The following RPTOR variants were observed in gnomAD, a reference collection of about 807,000 sequenced individuals.
The protein encoded by RPTOR is regulatory-associated protein of mTOR.
RPTOR carries 21 observed loss-of-function variants against 169.9 expected under a neutral mutation model. The ratio of observed to expected loss-of-function variants is 0.12; its 90% confidence interval spans 0.09 to 0.18. The LOEUF (loss-of-function observed/expected upper bound fraction) is 0.18, where lower values mean the gene tolerates loss of function less well. RPTOR is among the 10% of genes least tolerant of loss of function. RPTOR has a pLI of 1.00. For synonymous variants in RPTOR, 732 were observed against 753.2 expected (o/e 0.97, Z 0.46); for missense variants, 1,133 against 1,855.9 (o/e 0.61, Z 7.16).
At chr17:80,918,495 C>T (rs1359537049) in intron 21 of RPTOR, among the ~76,000 whole-genome samples, 2 of 98,430 alleles carry the variant, frequency 2.0e-5, no homozygotes, top group East Asian at 2.4e-4. Flanking sequence ...AGCACCCTCG[C>T]GGGGGTCATA....
chr17:80,779,481 C>A (rs539205307), intron 6 of RPTOR, among the ~76,000 whole-genome samples: 1 of 152,334 alleles, frequency 6.6e-6, no homozygotes, highest in South Asian at 2.1e-4. Context: ...GCCGTGCCTA[C>A]GTGCACTGAC....
chr17:80,592,992 G>A (rs7214465), intron 1 of RPTOR, among the ~76,000 whole-genome samples: 12,861 of 152,236 alleles, frequency 0.084, 613 homozygotes, highest in Middle Eastern at 0.12. Flanking sequence ...CACACTACTT[G>A]TGTCAAATCT....
At chr17:80,809,810 G>A (rs2067255168) in intron 7 of RPTOR, among the ~76,000 whole-genome samples, 1 of 152,052 alleles carries the variant, frequency 6.6e-6, no homozygotes, top group Non-Finnish European at 1.5e-5. Context: ...AGGTCGAGGT[G>A]GGCAGATCAC....
intron 3 of RPTOR, among the ~76,000 whole-genome samples, chr17:80,648,767 C>A (rs1457336150): frequency 6.6e-6 from 1 of 152,088 alleles, no homozygotes; most frequent in Non-Finnish European, 1.5e-5. Flanking sequence ...GTGTCCCCAC[C>A]CAGATCTCAT....
chr17:80,605,280 G>A (rs2065220432), intron 1 of RPTOR, among the ~76,000 whole-genome samples: 1 of 152,222 alleles, frequency 6.6e-6, no homozygotes, highest in African/African-American at 2.4e-5. Flanking sequence ...GACAGCAGTG[G>A]ATGTGCTCTC....
chr17:80,797,848 C>T (rs576604014), intron 7 of RPTOR, among the ~76,000 whole-genome samples: 4 of 152,298 alleles, frequency 2.6e-5, no homozygotes, highest in South Asian at 4.1e-4. Flanking sequence ...CTTTTTCCCA[C>T]GGGGGTCCCA....
chr17:80,633,959 G>A lies in RPTOR; in HGVS notation c.265+8166G>A, dbSNP rs1274579844. 3.3e-5 allele frequency among the ~76,000 whole-genome samples: 5 copies of A among 152,188 alleles called. No homozygotes were observed. Among genetic ancestry groups the A allele is most frequent in the Non-Finnish European group, 7.3e-5 (5 of 68,032 alleles). The stretch of plus-strand genomic sequence containing the variant: ...GCCTCATTCCTCTTAGTGGAATGTG[G>A]TGTTAGAAACTGAGATCTGGGTGCC... On this transcript the variant is annotated intron_variant, in intron 2 of 33. Coordinates refer to ENST00000306801, the MANE Select transcript of RPTOR (RefSeq NM_020761.3). The surrounding 1 kb of genome is among the most constrained non-coding windows in gnomAD (Gnocchi z 4.1).
chr17:80,791,598 C>A, intron 7 of RPTOR, 89 bp downstream of exon 7: 1 of 1,121,530 alleles, frequency 8.9e-7, no homozygotes, highest in Non-Finnish European at 1.3e-6. Flanking sequence ...GAAGTACTTT[C>A]TATCAACATG....
intron 7 of RPTOR, among the ~76,000 whole-genome samples, chr17:80,806,285 A>G (rs1432355129): frequency 1.3e-5 from 2 of 152,226 alleles, no homozygotes; most frequent in African/African-American, 4.8e-5. Context: ...TCAAAGTTCA[A>G]GTCATGGTTG....
intron 21 of RPTOR, 103 bp from the exon 22 acceptor site, chr17:80,922,621 T>G: frequency 1.0e-6 from 1 of 959,760 alleles, no homozygotes; most frequent in Non-Finnish European, 1.6e-6. Context: ...CAAAGGCCTT[T>G]TCTGTGATTC....
At chr17:80,856,566 C>T (rs2067854310) in intron 12 of RPTOR, among the ~76,000 whole-genome samples, 1 of 152,200 alleles carries the variant, frequency 6.6e-6, no homozygotes, top group Non-Finnish European at 1.5e-5. Context: ...GCACTCACCA[C>T]TGGGCCATTT....
At chr17:80,643,256 AT>A (rs34269060) in intron 2 of RPTOR, among the ~76,000 whole-genome samples, 16,658 of 152,042 alleles carry the variant, frequency 0.11, 1,031 homozygotes, top group African/African-American at 0.15. Context: ...TGTGAAACGG[AT>A]TTTTTTTGTG....
At chr17:80,611,142 A>G (rs2065267541) in intron 1 of RPTOR, among the ~76,000 whole-genome samples, 2 of 152,202 alleles carry the variant, frequency 1.3e-5, no homozygotes, top group South Asian at 4.1e-4. Flanking sequence ...GAATGGTACC[A>G]TGAACACCTC....
At chr17:80,751,899 C>G (rs1341932568) in intron 5 of RPTOR, among the ~76,000 whole-genome samples, 1 of 152,222 alleles carries the variant, frequency 6.6e-6, no homozygotes, top group African/African-American at 2.4e-5. Flanking sequence ...TCATTCTGTA[C>G]CTTGTTGTTC....
chr17:80,966,205 T>A lies in RPTOR; in HGVS notation c.*1875T>A, dbSNP rs1402867109. 4.6e-6 allele frequency: 1 copy of A among 216,298 alleles called. No individual in the cohort carries two copies. The highest frequency in any genetic ancestry group is 9.1e-6 in the Non-Finnish European group (1 of 109,356). The allele number at this position is 216,298 out of a possible 1,614,324, so 13.4% of individuals were successfully genotyped here. On this transcript the variant is annotated 3_prime_UTR_variant, in exon 34 of 34. Coordinates refer to ENST00000306801, the MANE Select transcript of RPTOR (RefSeq NM_020761.3). Reference sequence around the variant, plus strand: ...GTGGGCTGTCTTCACAGGTCTGATGTGAAAATTCAATCACGACGTTAACCG... The same window carrying A: ...GTGGGCTGTCTTCACAGGTCTGATGAGAAAATTCAATCACGACGTTAACCG...
chr17:80,618,323 C>G (rs1250131089), intron 1 of RPTOR, among the ~76,000 whole-genome samples: 1 of 152,072 alleles, frequency 6.6e-6, no homozygotes, highest in African/African-American at 2.4e-5. Context: ...CTTTTTTTCC[C>G]CCAGAATAAA....
chr17:80,694,143 C>T (rs2066016297), intron 3 of RPTOR, among the ~76,000 whole-genome samples: 1 of 152,250 alleles, frequency 6.6e-6, no homozygotes, highest in Non-Finnish European at 1.5e-5. Flanking sequence ...CTTTTGTTTG[C>T]CACTGCTGCA....
At chr17:80,932,718 A>G (rs918500953) in intron 24 of RPTOR, among the ~76,000 whole-genome samples, 1 of 152,222 alleles carries the variant, frequency 6.6e-6, no homozygotes, top group African/African-American at 2.4e-5. Flanking sequence ...AGGATTGCAG[A>G]TCATCTGAGA....
chr17:80,786,823 C>T (rs2066997111), intron 6 of RPTOR, among the ~76,000 whole-genome samples: 2 of 152,294 alleles, frequency 1.3e-5, no homozygotes, highest in African/African-American at 4.8e-5. Flanking sequence ...AGCCTTTAGG[C>T]GAAACTTAAT....
Sources: gnomAD v4.1 joint callset for allele counts (sites outside exome capture counted in the v4.1 genomes callset) on GRCh38, gnomAD v4.1.1 for gene constraint, Gnocchi (gnomAD v3.1) non-coding constraint, MANE v1.5 for transcripts, NCBI Gene and HGNC (gene_info 2026-07-23, HGNC 2026-07-21) for gene names.